Variants in BLTP1 observed in about 807,000 individuals in gnomAD.
BLTP1 encodes bridge-like lipid transfer protein family member 1, also known as fragile site-associated protein.
the BLTP1 span, chr4:122,154,364 A>AT: frequency 1.9e-5 from 19 of 984,476 alleles, no homozygotes; most frequent in Non-Finnish European, 2.3e-5. Context: ...TTGCTAGGGA[A>AT]TGGGGGTGGG....
the BLTP1 span, chr4:122,183,196 C>A: frequency 5.4e-6 from 2 of 368,256 alleles, no homozygotes; most frequent in Non-Finnish European, 7.5e-6. Context: ...ATTAGCCAGA[C>A]ATGGTGACAC....
At chr4:122,325,789 C>A in the BLTP1 span, 2 of 866,372 alleles carry the variant, frequency 2.3e-6, no homozygotes, top group Non-Finnish European at 3.1e-6. Context: ...TGTGTATTTA[C>A]TTTTAAGTCA....
chr4:122,273,357 C>T, the BLTP1 span: 1 of 984,442 alleles, frequency 1.0e-6, no homozygotes, highest in Non-Finnish European at 1.2e-6. Context: ...GAACCACACA[C>T]ACGGTTCTCT....
At chr4:122,275,125 A>G in the BLTP1 span, among the ~76,000 whole-genome samples, 1 of 152,148 alleles carries the variant, frequency 6.6e-6, no homozygotes, top group Non-Finnish European at 1.5e-5. Flanking sequence ...TTTTCAAGAA[A>G]GGCAGGAAAT....
At chr4:122,235,638 T>C in the BLTP1 span, 1 of 193,400 alleles carries the variant, frequency 5.2e-6, no homozygotes, top group Non-Finnish European at 9.4e-6. Context: ...ACCCCATCTC[T>C]GCTAAAAATA....
the BLTP1 span, among the ~76,000 whole-genome samples, chr4:122,156,739 T>TA: frequency 7.2e-5 from 11 of 152,276 alleles, no homozygotes; most frequent in African/African-American, 2.6e-4. Flanking sequence ...TTGCTGAAGA[T>TA]AAAGAGTCAT....
the BLTP1 span, among the ~76,000 whole-genome samples, chr4:122,205,468 T>A: frequency 2.6e-5 from 4 of 151,696 alleles, no homozygotes; most frequent in East Asian, 7.7e-4. Flanking sequence ...CTAATGTCAG[T>A]CTGTGCTATA....
At chr4:122,254,125 CATT>C in the BLTP1 span, 1 of 1,439,360 alleles carries the variant, frequency 6.9e-7, no homozygotes, top group Non-Finnish European at 9.5e-7. Context: ...GCACTTAAAA[CATT>C]AGCCTCTGTG....
the BLTP1 span, among the ~76,000 whole-genome samples, chr4:122,217,191 A>G: frequency 6.6e-6 from 1 of 152,054 alleles, no homozygotes; most frequent in South Asian, 2.1e-4. Flanking sequence ...TGGGTTCTCT[A>G]TTCTGTTCCA....
the BLTP1 span, among the ~76,000 whole-genome samples, chr4:122,354,939 A>G: frequency 1.3e-5 from 2 of 152,158 alleles, no homozygotes; most frequent in Non-Finnish European, 2.9e-5. Flanking sequence ...TGCTGGGATT[A>G]CAGGCATGAG....
At chr4:122,324,437 T>A in the BLTP1 span, 1 of 1,609,310 alleles carries the variant, frequency 6.2e-7, no homozygotes, top group Admixed American at 1.7e-5. Flanking sequence ...GCTGCTTCCC[T>A]AAAGGATAAG....
chr4:122,246,116 A>G, the BLTP1 span: 1 of 1,523,934 alleles, frequency 6.6e-7, no homozygotes, highest in Non-Finnish European at 8.8e-7. Flanking sequence ...AAGTTATGAA[A>G]AGCTTGTGAA....
chr4:122,169,530 G>A, the BLTP1 span: 4 of 644,300 alleles, frequency 6.2e-6, no homozygotes, highest in African/African-American at 8.0e-5. Context: ...TTATCGGTAG[G>A]TTGGGTTAGT....
chr4:122,246,247 G>A, the BLTP1 span: 4 of 1,607,126 alleles, frequency 2.5e-6, no homozygotes, highest in Non-Finnish European at 3.4e-6. Context: ...TTACAATGAA[G>A]CAAGATAATG....
the BLTP1 span, chr4:122,173,248 G>C: frequency 2.3e-6 from 3 of 1,305,258 alleles, no homozygotes; most frequent in Non-Finnish European, 3.2e-6. Flanking sequence ...CTGAGACTAG[G>C]TCATTTATAA....
At chr4:122,336,872 T>C in the BLTP1 span, 2 of 1,589,992 alleles carry the variant, frequency 1.3e-6, no homozygotes, top group Non-Finnish European at 1.7e-6. Context: ...AACCAAATAT[T>C]TTAAACAGCT....
the BLTP1 span, chr4:122,199,575 A>G: frequency 1.3e-6 from 1 of 772,008 alleles, no homozygotes; most frequent in Non-Finnish European, 2.0e-6. Flanking sequence ...AAGAACAGCT[A>G]GGGAAGAGGA....
the BLTP1 span, among the ~76,000 whole-genome samples, chr4:122,168,946 TTTTA>T: frequency 6.6e-6 from 1 of 152,068 alleles, no homozygotes; most frequent in South Asian, 2.1e-4. Context: ...CTCATTCAAT[TTTTA>T]TTTATTTATT....
the BLTP1 span, chr4:122,167,860 A>G: frequency 2.0e-6 from 2 of 985,438 alleles, no homozygotes; most frequent in African/African-American, 3.5e-5. Flanking sequence ...GGAAGGGTAG[A>G]GGAAGAGGAA....
Sources: allele counts gnomAD v4.1 joint callset (sites outside exome capture counted in the v4.1 genomes callset), GRCh38; gene constraint gnomAD v4.1.1; transcripts MANE v1.5; gene names NCBI Gene and HGNC (gene_info 2026-07-23, HGNC 2026-07-21).